COP1: variants seen among roughly 807,000 people sequenced by gnomAD.
COP1 encodes E3 ubiquitin-protein ligase COP1.
In COP1, 24 loss-of-function variants were observed where a neutral mutation model predicts 101.3. The ratio of observed to expected loss-of-function variants is 0.24; its 90% CI spans 0.17 to 0.33. The LOEUF (loss-of-function observed/expected upper bound fraction) is 0.33. Among genes scored for constraint, COP1 ranks in the 10% least tolerant of loss-of-function variants. COP1 has a pLI of 1.00. For synonymous variants in COP1, 347 were observed against 341.9 expected (o/e 1.01, Z -0.17); for missense variants, 663 against 906.2 (o/e 0.73, Z 3.45).
intron 9 of COP1, among the ~76,000 whole-genome samples, chr1:176,094,379 A>G (rs1681939283): frequency 6.6e-6 from 1 of 151,478 alleles, no homozygotes; most frequent in Non-Finnish European, 1.5e-5. Context: ...TATAAATAAT[A>G]TTAATATAAA....
chr1:176,108,508 C>T (rs902688290), intron 9 of COP1, among the ~76,000 whole-genome samples: 2 of 152,046 alleles, frequency 1.3e-5, no homozygotes, highest in African/African-American at 4.8e-5. Flanking sequence ...GTATATACTG[C>T]CAAATTATCT....
chr1:175,988,571 G>A (rs1374801493), intron 16 of COP1, 159 bp from the exon 17 acceptor site: 15 of 604,218 alleles, frequency 2.5e-5, no homozygotes, highest in Middle Eastern at 3.1e-4. Flanking sequence ...GGTGGCTCAC[G>A]CTTGTATTCC....
At chr1:176,070,403 C>T (rs1676767497) in intron 11 of COP1, among the ~76,000 whole-genome samples, 1 of 151,204 alleles carries the variant, frequency 6.6e-6, no homozygotes, top group Non-Finnish European at 1.5e-5. Flanking sequence ...TGGCTAACAC[C>T]TGTAATCCCA....
At chr1:176,205,996 T>C (rs1255158588) in intron 1 of COP1, among the ~76,000 whole-genome samples, 1 of 152,216 alleles carries the variant, frequency 6.6e-6, no homozygotes, top group Non-Finnish European at 1.5e-5. Flanking sequence ...TCCTTTGAAA[T>C]GGAAGAAGAT....
At chr1:176,082,871 G>A (rs1334005713) in intron 10 of COP1, among the ~76,000 whole-genome samples, 1 of 151,934 alleles carries the variant, frequency 6.6e-6, no homozygotes, top group African/African-American at 2.4e-5. Flanking sequence ...GAAACTGAGT[G>A]AGCTTTTGTC....
chr1:175,962,153 C>T (rs1015029997), intron 18 of COP1, among the ~76,000 whole-genome samples: 2 of 152,058 alleles, frequency 1.3e-5, no homozygotes, highest in African/African-American at 4.8e-5. Context: ...AATATGCCAT[C>T]CCAAAATATG....
intron 15 of COP1, among the ~76,000 whole-genome samples, chr1:175,999,392 C>T (rs1205446772): frequency 6.6e-6 from 1 of 152,044 alleles, no homozygotes; most frequent in Admixed American, 6.6e-5. Context: ...TTTCACTTTA[C>T]ATAATGATCT....
At chr1:176,146,208 G>C (rs753577287) in intron 6 of COP1, among the ~76,000 whole-genome samples, 1 of 152,130 alleles carries the variant, frequency 6.6e-6, no homozygotes, top group African/African-American at 2.4e-5. Flanking sequence ...AATTTGCACA[G>C]AGAAGACTGG....
chr1:176,166,574 GT>G (rs959528930), intron 3 of COP1, among the ~76,000 whole-genome samples: 2 of 152,166 alleles, frequency 1.3e-5, no homozygotes, highest in African/African-American at 4.8e-5. Context: ...ACCAAACGAA[GT>G]TTTTTACTAC....
intron 18 of COP1, chr1:175,968,424 T>TA (rs757300440): frequency 1.2e-5 from 6 of 518,542 alleles, no homozygotes; most frequent in Admixed American, 7.8e-5. Context: ...CGATCAGACT[T>TA]AGCCAGCTGT....
intron 8 of COP1, among the ~76,000 whole-genome samples, chr1:176,127,601 ATGTG>A (rs71129556): frequency 2.7e-5 from 4 of 148,744 alleles, no homozygotes; most frequent in Non-Finnish European, 5.9e-5. Context: ...ATGTGTATAT[ATGTG>A]TGTGTGTGTA....
chr1:176,139,550 T>C (rs1474034298), intron 6 of COP1, among the ~76,000 whole-genome samples: 1 of 152,138 alleles, frequency 6.6e-6, no homozygotes, highest in Non-Finnish European at 1.5e-5. Context: ...ACAGCAAAGA[T>C]TCATCAATGC....
chr1:176,162,843 T>A lies in COP1; in HGVS notation c.762+26A>T, dbSNP rs369251341. ...TGCAATAAAGTTCATCATTTAAAAT[T>A]TTTTTTAAGTTTAGCTACCACTTAC... On this transcript the variant is annotated intron_variant, in intron 5 of 19. Coordinates refer to ENST00000367669, the MANE Select transcript of COP1 (RefSeq NM_022457.7). The A allele has an allele frequency of 8.3e-6, 13 of 1,559,346 alleles. No homozygotes were observed. The African/African-American group carries it at 9.7e-5, about 12-fold the overall frequency.
intron 11 of COP1, among the ~76,000 whole-genome samples, chr1:176,068,594 C>G (rs567452582): frequency 6.6e-6 from 1 of 152,090 alleles, no homozygotes; most frequent in Non-Finnish European, 1.5e-5. Flanking sequence ...ATTAATTGAG[C>G]CTATTTCCAG....
At chr1:176,052,235 A>G (rs1365213285) in intron 11 of COP1, among the ~76,000 whole-genome samples, 1 of 152,218 alleles carries the variant, frequency 6.6e-6, no homozygotes, top group East Asian at 1.9e-4. Flanking sequence ...CACGCTATGT[A>G]GGTTTGCAGT....
At chr1:175,971,604 A>G (rs1406863870) in intron 18 of COP1, among the ~76,000 whole-genome samples, 1 of 151,904 alleles carries the variant, frequency 6.6e-6, no homozygotes, top group East Asian at 1.9e-4. Context: ...TCCACCCGCC[A>G]CTCTCCAATA....
intron 14 of COP1, among the ~76,000 whole-genome samples, chr1:176,041,878 T>G (rs895115154): frequency 6.6e-6 from 1 of 151,362 alleles, no homozygotes; most frequent in Non-Finnish European, 1.5e-5. Context: ...CTTTGGGAGG[T>G]TGAGGCAGGC....
intron 14 of COP1, among the ~76,000 whole-genome samples, chr1:176,038,104 T>A (rs1363692053): frequency 1.1e-4 from 16 of 152,230 alleles, no homozygotes; most frequent in Admixed American, 1.0e-3. Flanking sequence ...GGCACAATGT[T>A]TATATTTTAA....
intron 3 of COP1, among the ~76,000 whole-genome samples, chr1:176,166,264 C>T (rs1695131017): frequency 6.6e-6 from 1 of 152,132 alleles, no homozygotes; most frequent in South Asian, 2.1e-4. Context: ...GTAGCTAGGA[C>T]TACAGGTGCA....
Sources: gnomAD v4.1 joint callset for allele counts (sites outside exome capture counted in the v4.1 genomes callset) on GRCh38, gnomAD v4.1.1 for gene constraint, MANE v1.5 for transcripts, NCBI Gene and HGNC (gene_info 2026-07-23, HGNC 2026-07-21) for gene names.